Variants in SORCS2 observed in about 807,000 individuals in gnomAD.
The protein encoded by SORCS2 is VPS10 domain-containing receptor SorCS2.
In SORCS2, 100 loss-of-function variants were observed where a neutral mutation model predicts 141.6. The ratio of observed to expected loss-of-function variants is 0.71; its 90% confidence interval spans 0.60 to 0.83. The LOEUF (loss-of-function observed/expected upper bound fraction) is 0.83. Ranked by LOEUF, SORCS2 falls within the 40% of genes least tolerant of loss-of-function variation. The pLI, the probability that SORCS2 is intolerant of heterozygous loss-of-function variation, is 0.00. For synonymous variants in SORCS2, 789 were observed against 676.9 expected, an observed-to-expected ratio of 1.17 and a Z score of -2.57; for missense variants, 1,646 against 1,560.2, an observed-to-expected ratio of 1.05 and a Z score of -0.93.
chr4:7,219,859 A>G (rs1391800128), intron 1 of SORCS2, among the ~76,000 whole-genome samples: 1 of 152,162 alleles, frequency 6.6e-6, no homozygotes, highest in African/African-American at 2.4e-5. Context: ...CAGGGCACAG[A>G]CCTTGCCCGC....
At chr4:7,442,755 C>T (rs1177215965) in intron 2 of SORCS2, among the ~76,000 whole-genome samples, 5 of 151,404 alleles carry the variant, frequency 3.3e-5, no homozygotes, top group African/African-American at 1.2e-4. Context: ...CGTGGGCTTT[C>T]GCAGGTGCCC....
Position 7,365,806 on chromosome 4 carries a change from T to C in SORCS2, c.481-30482T>C, listed in dbSNP as rs570677812. On this transcript the variant is annotated intron_variant, in intron 1 of 26. Coordinates refer to ENST00000507866, the MANE Select transcript of SORCS2 (RefSeq NM_020777.3). ...CGTGTGTCATTTTGCTGAGCCTCCT[T>C]GAGAGAGCGAGCCAGGCACCTTCTT... 3.3e-5 allele frequency among the ~76,000 whole-genome samples: 5 copies of C among 152,272 alleles called. No homozygotes were observed. The South Asian group carries it at 8.3e-4, about 25-fold the overall frequency.
chr4:7,305,779 G>T (rs757050005), intron 1 of SORCS2, among the ~76,000 whole-genome samples: 4 of 152,204 alleles, frequency 2.6e-5, no homozygotes, highest in African/African-American at 7.2e-5. Flanking sequence ...ATTTGGAGGT[G>T]TCCCTGGGCT....
chr4:7,566,753 C>T (rs986778491), intron 3 of SORCS2, among the ~76,000 whole-genome samples: 1 of 152,140 alleles, frequency 6.6e-6, no homozygotes, highest in Non-Finnish European at 1.5e-5. Flanking sequence ...CATGGCCTGG[C>T]TTACCTTAGT....
At chr4:7,366,145 C>T (rs939521295) in intron 1 of SORCS2, among the ~76,000 whole-genome samples, 4 of 152,164 alleles carry the variant, frequency 2.6e-5, no homozygotes, top group Admixed American at 2.0e-4. Context: ...CCCTGCCACC[C>T]TCCTCCTCCT....
At chr4:7,264,854 GC>G in intron 1 of SORCS2, among the ~76,000 whole-genome samples, 1 of 152,314 alleles carries the variant, frequency 6.6e-6, no homozygotes, top group South Asian at 2.1e-4. Context: ...GGAGCCAGAG[GC>G]CCCCGGCGAT....
In SORCS2 at chr4:7,338,443, G is replaced by GATGC. The variant is rs1553844801; in HGVS notation, c.481-57842_481-57841insCATG. On this transcript the variant is annotated intron_variant, in intron 1 of 26. Coordinates refer to ENST00000507866, the MANE Select transcript of SORCS2 (RefSeq NM_020777.3). Reference sequence around the variant, plus strand: ...GGAAGGATGGATGGATGGATGGATGGATGAATGGCCTGCCAGGCTGCCTAC... The same window carrying GATGC: ...GGAAGGATGGATGGATGGATGGATGGATGCATGAATGGCCTGCCAGGCTGCCTAC... 8.3e-3 allele frequency among the ~76,000 whole-genome samples: 1,270 copies of GATGC among 152,126 alleles called. 68 individuals carry two copies. The East Asian group carries it at 0.14, about 16-fold the overall frequency.
intron 1 of SORCS2, among the ~76,000 whole-genome samples, chr4:7,311,101 GCCT>G (rs1437396487): frequency 6.6e-6 from 1 of 151,552 alleles, no homozygotes; most frequent in Non-Finnish European, 1.5e-5. Context: ...TCCCTCCTTG[GCCT>G]CCTCCCAGAC....
At chr4:7,583,547 G>A (rs1716320621) in intron 3 of SORCS2, among the ~76,000 whole-genome samples, 2 of 152,178 alleles carry the variant, frequency 1.3e-5, no homozygotes, top group African/African-American at 4.8e-5. Flanking sequence ...GGCCCAGTGG[G>A]AGATAACTGA....
Position 7,256,659 on chromosome 4 carries a change from C to T in SORCS2, c.480+63533C>T, listed in dbSNP as rs115549310. On this transcript the variant is annotated intron_variant, in intron 1 of 26. Coordinates refer to ENST00000507866, the MANE Select transcript of SORCS2 (RefSeq NM_020777.3). Reference sequence around the variant, plus strand: ...GAAAACCCCAAATCTCGGATGCGAACGTAATGTGGTTACCATCAATAGTGG... The same window carrying T: ...GAAAACCCCAAATCTCGGATGCGAATGTAATGTGGTTACCATCAATAGTGG... Among the ~76,000 whole-genome samples the T allele has an allele frequency of 6.7e-3, 1,018 of 151,378 alleles. 11 individuals are homozygous for T. The highest frequency in any genetic ancestry group is 0.023 in the African/African-American group (965 of 41,184).
At chr4:7,338,230 C>T (rs958788991) in intron 1 of SORCS2, among the ~76,000 whole-genome samples, 6 of 131,192 alleles carry the variant, frequency 4.6e-5, no homozygotes, top group East Asian at 4.4e-4. Flanking sequence ...GGATGGATGT[C>T]GGATGGAAGG....
intron 4 of SORCS2, among the ~76,000 whole-genome samples, chr4:7,651,356 G>A (rs943968102): frequency 2.0e-5 from 3 of 152,198 alleles, no homozygotes; most frequent in African/African-American, 7.2e-5. Context: ...GGCCTGCCCC[G>A]GTAGCTGGTT....
At position 7,192,634 on chromosome 4, in the gene SORCS2, G is replaced by GC. The variant is rs1726908497; in HGVS notation, c.-9dup. On this transcript the variant is annotated 5_prime_UTR_variant, in exon 1 of 27. Transcript: ENST00000507866. This position sits in a 1 kb window ranked among gnomAD's most constrained non-coding sequence, Gnocchi z 4.0. ...CCGCCCCGCCGCCGGCTCCGCTGCC[G>GC]CCCCTGGCGACCATGGCGCACCGGG... 1 of 987,266 alleles carries GC rather than the reference G, an allele frequency of 1.0e-6. No homozygotes were observed. Among genetic ancestry groups the GC allele is most frequent in the Non-Finnish European group, 1.2e-6 (1 of 832,206 alleles). 61.2% of individuals were successfully genotyped at this position (987,266 alleles called of 1,614,324 possible).
chr4:7,691,276 G>A (rs557128678), intron 11 of SORCS2, among the ~76,000 whole-genome samples: 38 of 152,234 alleles, frequency 2.5e-4, no homozygotes, highest in Admixed American at 9.8e-4. Flanking sequence ...CCTGGCCCAG[G>A]GTGGGCCCTC....
chr4:7,303,640 G>C (rs956041380), intron 1 of SORCS2, among the ~76,000 whole-genome samples: 1 of 152,248 alleles, frequency 6.6e-6, no homozygotes, highest in Admixed American at 6.5e-5. Context: ...TGAGGTATAT[G>C]GTGCTGAGTG....
At chr4:7,458,272 G>A (rs1458337933) in intron 2 of SORCS2, among the ~76,000 whole-genome samples, 4 of 152,136 alleles carry the variant, frequency 2.6e-5, no homozygotes, top group Non-Finnish European at 5.9e-5. Context: ...TTGGAGGCAG[G>A]GAGACGGTAC....
intron 2 of SORCS2, among the ~76,000 whole-genome samples, chr4:7,446,027 C>A (rs1012228511): frequency 6.6e-6 from 1 of 151,952 alleles, no homozygotes; most frequent in African/African-American, 2.4e-5. Context: ...TTCCTTCTCT[C>A]CCTCTTTCAT....
At chr4:7,400,893 G>A (rs1724543255) in intron 2 of SORCS2, among the ~76,000 whole-genome samples, 1 of 151,028 alleles carries the variant, frequency 6.6e-6, no homozygotes, top group Non-Finnish European at 1.5e-5. Flanking sequence ...ATAGATTAAT[G>A]GATGGACATA....
intron 1 of SORCS2, among the ~76,000 whole-genome samples, chr4:7,271,245 C>G (rs1339457105): frequency 1.3e-5 from 2 of 152,178 alleles, no homozygotes. Flanking sequence ...CACTCTGAGC[C>G]CTCTCACCAC....
Sources: allele counts gnomAD v4.1 joint callset (sites outside exome capture counted in the v4.1 genomes callset), GRCh38; gene constraint gnomAD v4.1.1; non-coding constraint Gnocchi (gnomAD v3.1); transcripts MANE v1.5; gene names NCBI Gene and HGNC (gene_info 2026-07-23, HGNC 2026-07-21).